MYH11: variants seen among roughly 807,000 people sequenced by gnomAD.
MYH11 encodes the protein myosin heavy chain 11.
In MYH11, 80 loss-of-function variants were observed where a neutral mutation model predicts 246.6. The ratio of observed to expected loss-of-function variants is 0.32; its 90% CI spans 0.27 to 0.39. MYH11 has a LOEUF of 0.39. MYH11 is among the 10% of genes least tolerant of loss of function. The pLI, the probability that MYH11 is intolerant of heterozygous loss-of-function variation, is 1.00. For missense variants in MYH11, 2,158 were observed against 2,546.8 expected, an observed-to-expected ratio of 0.85 and a Z score of 3.29; for synonymous variants, 1,071 against 1,015.5, an observed-to-expected ratio of 1.05 and a Z score of -1.04.
chr16:15,735,678 A>G, intron 25 of MYH11, 100 bp from the exon 26 acceptor site: 1 of 1,140,810 alleles, frequency 8.8e-7, no homozygotes, highest in Non-Finnish European at 1.3e-6. Flanking sequence ...GTTATGTTGC[A>G]GAGACATCAA....
intron 27 of MYH11, among the ~76,000 whole-genome samples, chr16:15,730,550 T>C (rs2040930387): frequency 6.6e-6 from 1 of 151,754 alleles, no homozygotes; most frequent in Non-Finnish European, 1.5e-5. Context: ...GCTCAAAAAA[T>C]AAACAAATAA....
rs886051753 is a variant in MYH11 at position 15,725,639 on chromosome 16, C to T, written c.3859-647G>A. 45 of 400,180 alleles carry T rather than the reference C, an allele frequency of 1.1e-4. No homozygotes were observed. The Middle Eastern group carries it at 1.9e-3, about 17-fold the overall frequency. The allele number at this position is 400,180 out of a possible 1,614,324, so 24.8% of individuals were successfully genotyped here. Reference sequence around the variant, plus strand: ...GATCTTGACACTGCTTATATGAGGGCGGCAAAAGCCCTGCTCTCAACTGCA... The same window carrying T: ...GATCTTGACACTGCTTATATGAGGGTGGCAAAAGCCCTGCTCTCAACTGCA... On this transcript the variant is annotated intron_variant, in intron 28 of 40. Coordinates refer to ENST00000300036, the MANE Select transcript of MYH11 (RefSeq NM_002474.3).
chr16:15,848,239 T>C (rs1231665685), intron 1 of MYH11, among the ~76,000 whole-genome samples: 1 of 149,624 alleles, frequency 6.7e-6, no homozygotes, highest in Non-Finnish European at 1.5e-5. Flanking sequence ...TTTTTTTTTT[T>C]TTTTTTTTTT....
At chr16:15,722,358 G>T (rs1380103905) in intron 31 of MYH11, among the ~76,000 whole-genome samples, 1 of 152,192 alleles carries the variant, frequency 6.6e-6, no homozygotes, top group East Asian at 1.9e-4. Context: ...ATATCTCTCT[G>T]CTTGGAGAAG....
In MYH11 at chr16:15,739,452, T is replaced by C. The variant is rs898819463; in HGVS notation, c.2997+599A>G. Among the ~76,000 whole-genome samples, 5 of 152,260 alleles carry C rather than the reference T, an allele frequency of 3.3e-5. No individual in the cohort carries two copies. The South Asian group carries it at 6.2e-4, about 19-fold the overall frequency. On this transcript the variant is annotated intron_variant, in intron 23 of 40. Coordinates refer to ENST00000300036, the MANE Select transcript of MYH11 (RefSeq NM_002474.3). ...GTTTCCTTCAGAGCCCTGATCACCA[T>C]GGTAAATGACGATTATTTGCCATCT...
At chr16:15,740,915 C>T (rs533304961) in intron 22 of MYH11, among the ~76,000 whole-genome samples, 55 of 152,164 alleles carry the variant, frequency 3.6e-4, no homozygotes, top group Admixed American at 2.2e-3. Flanking sequence ...AACTCTGCTG[C>T]CATATTGGAA....
rs906561796 is a variant in MYH11, at chr16:15,819,955, A to G, written c.502+3300T>C. ...ACCTTGCCAATTATTGGGTATCAAT[A>G]GCCACCATCATGATATGAACACAAA... On this transcript the variant is annotated intron_variant, in intron 3 of 40. Coordinates refer to ENST00000300036, the MANE Select transcript of MYH11 (RefSeq NM_002474.3). 2.4e-4 allele frequency among the ~76,000 whole-genome samples: 36 copies of G among 152,326 alleles called. No homozygotes were observed. The South Asian group carries it at 5.6e-3, about 24-fold the overall frequency.
rs371320304 is a variant in MYH11, at chr16:15,738,702, G to C, written c.2998-14C>G. The stretch of plus-strand genomic sequence containing the variant: ...GAGTTTTCGTTCCTTTTTGGGGAAA[G>C]AGAAAGAGATAGCTTTAGGATTTTT... On this transcript the variant is annotated splice_polypyrimidine_tract_variant and intron_variant, in intron 23 of 40. Coordinates refer to ENST00000300036, the MANE Select transcript of MYH11 (RefSeq NM_002474.3). 1.2e-6 allele frequency: 2 copies of C among 1,613,170 alleles called. No homozygotes were observed. Among genetic ancestry groups the C allele is most frequent in the Non-Finnish European group, 1.7e-6 (2 of 1,179,380 alleles).
At chr16:15,774,847 C>T (rs1246449990) in intron 8 of MYH11, among the ~76,000 whole-genome samples, 1 of 152,146 alleles carries the variant, frequency 6.6e-6, no homozygotes, top group East Asian at 1.9e-4. Context: ...CCTCTGCCTC[C>T]GAAAGTGTGG....
At chr16:15,741,015 G>A (rs1232358457) in intron 22 of MYH11, 6 of 306,494 alleles carry the variant, frequency 2.0e-5, no homozygotes, top group Non-Finnish European at 3.8e-5. Context: ...AAGTAGAAGT[G>A]GGTCCTCCAG....
chr16:15,724,442 G>C lies in MYH11; in HGVS notation c.4117-33C>G, dbSNP rs778268830. ...GACAGCGTCCAGGGTAGGGTGAGAG[G>C]GGGACCATGAGTGGCCCCTGTCCCT... On this transcript the variant is annotated intron_variant, in intron 30 of 40. Coordinates refer to ENST00000300036, the MANE Select transcript of MYH11 (RefSeq NM_002474.3). The C allele has an allele frequency of 1.9e-6, 3 of 1,612,796 alleles. No individual in the cohort carries two copies. The Admixed American group carries it at 5.0e-5, about 27-fold the overall frequency.
rs757444699 is a variant in MYH11, at chr16:15,848,806, T to C, written c.-18+8135A>G. On this transcript the variant is annotated intron_variant, in intron 1 of 40. Coordinates refer to ENST00000300036, the MANE Select transcript of MYH11 (RefSeq NM_002474.3). Reference sequence around the variant, plus strand: ...GTTAAAGCTGAGAGCAGCTCTCACTTAGTCAAACTCAACTCGGAATACCAA... The same window carrying C: ...GTTAAAGCTGAGAGCAGCTCTCACTCAGTCAAACTCAACTCGGAATACCAA... Among the ~76,000 whole-genome samples the C allele has an allele frequency of 3.3e-5, 5 of 152,278 alleles. No homozygotes were observed. In the South Asian group the frequency reaches 1.0e-3, roughly 32 times the overall value.
At chr16:15,707,955 G>A (rs1260024181) in intron 40 of MYH11, among the ~76,000 whole-genome samples, 4 of 77,464 alleles carry the variant, frequency 5.2e-5, no homozygotes, top group South Asian at 5.2e-4. Flanking sequence ...GCGAGACTCC[G>A]TCTCAAAAAA....
chr16:15,731,555 G>A (rs1013185720), intron 27 of MYH11, among the ~76,000 whole-genome samples: 6 of 151,320 alleles, frequency 4.0e-5, no homozygotes, highest in African/African-American at 1.5e-4. Flanking sequence ...GCAGTAGCAC[G>A]ATCTGAGCTC....
intron 37 of MYH11, chr16:15,718,064 T>C: frequency 1.7e-6 from 1 of 582,668 alleles, no homozygotes; most frequent in South Asian, 2.0e-5. Context: ...GGGATGGCCG[T>C]GAGGTACGGG....
At chr16:15,820,136 A>T (rs1275358629) in intron 3 of MYH11, among the ~76,000 whole-genome samples, 1 of 152,230 alleles carries the variant, frequency 6.6e-6, no homozygotes, top group Non-Finnish European at 1.5e-5. Context: ...TGAGGCCAGG[A>T]GTTCAAGACC....
rs143048443 is a variant in MYH11, at chr16:15,755,857, G to A, written c.1749+484C>T. Among the ~76,000 whole-genome samples the A allele has an allele frequency of 4.9e-3, 739 of 152,282 alleles. 2 individuals are homozygous for A. The highest frequency in any genetic ancestry group is 0.015 in the African/African-American group (629 of 41,552). On this transcript the variant is annotated intron_variant, in intron 14 of 40. Coordinates refer to ENST00000300036, the MANE Select transcript of MYH11 (RefSeq NM_002474.3). The stretch of plus-strand genomic sequence containing the variant: ...TGAGGCAGGAGAATCTCTTGAACCC[G>A]GAGGGAGAGGTTGCAGTTAGCAGAG...
At chr16:15,725,632 A>G (rs2040717028) in intron 28 of MYH11, 2 of 401,176 alleles carry the variant, frequency 5.0e-6, no homozygotes, top group Non-Finnish European at 8.8e-6. Flanking sequence ...CACTGCTTAT[A>G]TGAGGGCGGC....
At chr16:15,718,475 TC>T in intron 36 of MYH11, 37 bp from the exon 37 acceptor site, 2 of 1,536,066 alleles carry the variant, frequency 1.3e-6, no homozygotes, top group African/African-American at 1.4e-5. Flanking sequence ...GCCTCTACCC[TC>T]CCCCGCCTTA....
Sources: allele counts gnomAD v4.1 joint callset (sites outside exome capture counted in the v4.1 genomes callset), GRCh38; gene constraint gnomAD v4.1.1; transcripts MANE v1.5; gene names NCBI Gene and HGNC (gene_info 2026-07-23, HGNC 2026-07-21).